MARCHF7: variants seen among roughly 807,000 people sequenced by gnomAD.
MARCHF7 encodes membrane associated ring-CH-type finger 7.
In MARCHF7, 20 loss-of-function variants were observed where a neutral mutation model predicts 76.5. The observed-to-expected ratio is 0.26, with a 90% CI of 0.18 to 0.38. MARCHF7 has a LOEUF of 0.38. Among genes scored for constraint, MARCHF7 ranks in the 10% least tolerant of loss-of-function variants. The pLI is 1.00. For missense variants in MARCHF7, 797 were observed against 812.9 expected (o/e 0.98, Z 0.24); for synonymous variants, 295 against 293.0 (o/e 1.01, Z -0.07).
intron 4 of MARCHF7, among the ~76,000 whole-genome samples, chr2:159,738,356 A>G (rs1703714522): frequency 6.6e-6 from 1 of 152,192 alleles, no homozygotes; most frequent in Non-Finnish European, 1.5e-5. Flanking sequence ...CGCCGGCAGC[A>G]TGGTGAGTGG....
intron 10 of MARCHF7, 98 bp downstream of exon 10, chr2:159,763,091 G>C (rs930048029): frequency 3.1e-5 from 18 of 580,328 alleles, no homozygotes; most frequent in Non-Finnish European, 5.1e-5. Context: ...TATTTCCTTT[G>C]GGAAGCTTTT....
intron 3 of MARCHF7, among the ~76,000 whole-genome samples, chr2:159,718,000 A>T (rs1419236962): frequency 6.6e-6 from 1 of 152,348 alleles, no homozygotes; most frequent in Admixed American, 6.5e-5. Flanking sequence ...CAAAATTTCT[A>T]CTGAGCTGTT....
intron 4 of MARCHF7, among the ~76,000 whole-genome samples, chr2:159,739,701 T>A (rs1485019031): frequency 6.6e-6 from 1 of 152,214 alleles, no homozygotes; most frequent in Non-Finnish European, 1.5e-5. Context: ...TGAACAAATA[T>A]GGACAAAATT....
intron 4 of MARCHF7, among the ~76,000 whole-genome samples, chr2:159,738,127 G>A (rs1052642410): frequency 1.3e-5 from 2 of 152,228 alleles, no homozygotes; most frequent in East Asian, 1.9e-4. Context: ...CACACTGGGT[G>A]CAGTGGGGCA....
intron 3 of MARCHF7, among the ~76,000 whole-genome samples, chr2:159,716,083 C>A (rs1174288715): frequency 3.3e-5 from 5 of 150,644 alleles, no homozygotes; most frequent in Non-Finnish European, 5.9e-5. Flanking sequence ...AAGATTTGGG[C>A]ATGTCATATT....
intron 11 of MARCHF7, among the ~76,000 whole-genome samples, chr2:159,766,818 A>G (rs1054096599): frequency 1.3e-5 from 2 of 152,186 alleles, no homozygotes; most frequent in Non-Finnish European, 1.5e-5. Context: ...TTTGATGTAA[A>G]TTGCAAGAAC....
At chr2:159,718,297 A>C (rs1433942562) in intron 3 of MARCHF7, among the ~76,000 whole-genome samples, 1 of 152,232 alleles carries the variant, frequency 6.6e-6, no homozygotes, top group Non-Finnish European at 1.5e-5. Context: ...TGCCTAGCCT[A>C]GCCTCAGTTT....
intron 5 of MARCHF7, among the ~76,000 whole-genome samples, chr2:159,744,057 G>A (rs1474155798): frequency 2.4e-5 from 3 of 124,468 alleles, no homozygotes; most frequent in Non-Finnish European, 3.2e-5. Context: ...GCGGGATCTC[G>A]GCTCACTGCA....
At position 159,729,038 on chromosome 2, in the gene MARCHF7, T is replaced by G. The variant is rs1311580858; in HGVS notation, c.16T>G (p.Ser6Ala). Residue 6 changes from serine to alanine, a missense_variant, in exon 4 of 12, where the codon TCA becomes GCA. Coordinates refer to ENST00000409175, the MANE Select transcript of MARCHF7 (RefSeq NM_001282805.2). MESKP[S>A]RIPRRISVQP... is the part of the protein sequence containing the mutation. ...ATCTTTAAGAATGGAGTCTAAACCT[T>G]CAAGGATTCCAAGAAGAATTTCTGT... 1.3e-6 allele frequency: 2 copies of G among 1,587,856 alleles called. No individual in the cohort carries two copies. Among genetic ancestry groups the G allele is most frequent in the Non-Finnish European group, 1.7e-6 (2 of 1,171,878 alleles).
Position 159,743,238 on chromosome 2 carries a change from T to C in MARCHF7, c.331T>C (p.Leu111=), listed in dbSNP as rs754053290. The change falls in exon 5 of 12, where the codon TTA becomes CTA. Residue 111 remains leucine (L), a synonymous_variant. Coordinates refer to ENST00000409175, the MANE Select transcript of MARCHF7 (RefSeq NM_001282805.2). The part of the protein sequence containing the change: ...TSAGRNVGNG[L]NTLSDSSWRH... Reference sequence around the variant, plus strand: ...AGCTGGGAGAAATGTTGGAAATGGTTTAAACACATTATCAGGTAAGAATGA... The same window carrying C: ...AGCTGGGAGAAATGTTGGAAATGGTCTAAACACATTATCAGGTAAGAATGA... 6.2e-7 allele frequency: 1 copy of C among 1,613,874 alleles called. No homozygotes were observed. Among genetic ancestry groups the C allele is most frequent in the Admixed American group, 1.7e-5 (1 of 59,980 alleles).
chr2:159,730,769 A>G (rs146492387), intron 4 of MARCHF7, among the ~76,000 whole-genome samples: 26 of 152,348 alleles, frequency 1.7e-4, no homozygotes, highest in African/African-American at 6.0e-4. Flanking sequence ...TTTTAAAAAT[A>G]TATATAGCTT....
intron 3 of MARCHF7, among the ~76,000 whole-genome samples, chr2:159,727,062 T>G (rs532571054): frequency 6.6e-6 from 1 of 152,206 alleles, no homozygotes; most frequent in Non-Finnish European, 1.5e-5. Flanking sequence ...AAAGACGCAT[T>G]TCTTAGAATA....
intron 3 of MARCHF7, among the ~76,000 whole-genome samples, chr2:159,726,589 C>T (rs1185323452): frequency 1.3e-5 from 2 of 152,132 alleles, no homozygotes; most frequent in Admixed American, 6.6e-5. Context: ...TAACAACTTG[C>T]TTTCCAGCCA....
rs1406521762 is a variant in MARCHF7, at chr2:159,723,133, G to GT, written c.-14-5874dup. Among the ~76,000 whole-genome samples, 4 of 152,242 alleles carry GT rather than the reference G, an allele frequency of 2.6e-5. No individual in the cohort carries two copies. In the East Asian group the frequency reaches 7.7e-4, roughly 29 times the overall value. Reference sequence around the variant, plus strand: ...TACCACATCTGCTACTTGTTAAATTGTTCATGGGCTTTTGCATTGTCACTG... The same window carrying GT: ...TACCACATCTGCTACTTGTTAAATTGTTTCATGGGCTTTTGCATTGTCACTG... On this transcript the variant is annotated intron_variant, in intron 3 of 11. Coordinates refer to ENST00000409175, the MANE Select transcript of MARCHF7 (RefSeq NM_001282805.2).
At chr2:159,714,117 A>G (rs142753026) in intron 1 of MARCHF7, among the ~76,000 whole-genome samples, 200 of 152,340 alleles carry the variant, frequency 1.3e-3, no homozygotes, top group African/African-American at 4.6e-3. Context: ...ACTCTCATGT[A>G]GCCAATTTTT....
intron 6 of MARCHF7, among the ~76,000 whole-genome samples, chr2:159,747,270 C>A (rs77489905): frequency 0.016 from 2,457 of 151,742 alleles, 27 homozygotes; most frequent in South Asian, 0.044. Flanking sequence ...CAGCTGTTAA[C>A]CTGAAAGAAA....
chr2:159,741,182 A>G (rs1704077164), intron 4 of MARCHF7, among the ~76,000 whole-genome samples: 2 of 152,132 alleles, frequency 1.3e-5, no homozygotes, highest in African/African-American at 2.4e-5. Flanking sequence ...AAGACCAGCT[A>G]GGCAACATGG....
intron 10 of MARCHF7, 93 bp from the exon 11 acceptor site, chr2:159,764,532 CT>C: frequency 2.1e-6 from 2 of 959,554 alleles, no homozygotes. Flanking sequence ...TGATGTTTGA[CT>C]TTTTAAGTAG....
At chr2:159,744,564 T>C (rs963408052) in intron 5 of MARCHF7, among the ~76,000 whole-genome samples, 3 of 152,204 alleles carry the variant, frequency 2.0e-5, no homozygotes, top group African/African-American at 7.2e-5. Context: ...GGTGACACAA[T>C]TGGAGGTAAA....
Sources: gnomAD v4.1 joint callset for allele counts (sites outside exome capture counted in the v4.1 genomes callset) on GRCh38, gnomAD v4.1.1 for gene constraint, MANE v1.5 for transcripts, NCBI Gene and HGNC (gene_info 2026-07-23, HGNC 2026-07-21) for gene names.